ZNF713: variants seen among roughly 807,000 people sequenced by gnomAD.
The protein encoded by ZNF713 is zinc finger protein 713.
A neutral mutation model predicts 28.7 loss-of-function variants in ZNF713; 21 were observed. That is an observed-to-expected ratio of 0.73 (90% confidence interval 0.52 to 1.05). The LOEUF (loss-of-function observed/expected upper bound fraction) is 1.05, where lower values mean the gene tolerates loss of function less well. Ranked by LOEUF, ZNF713 falls within the 50% of genes least tolerant of loss-of-function variation. The pLI is 0.00. For synonymous variants in ZNF713, 167 were observed against 178.0 expected, an observed-to-expected ratio of 0.94 and a Z score of 0.49; for missense variants, 458 against 532.4, an observed-to-expected ratio of 0.86 and a Z score of 1.37.
chr7:55,931,652 CTTCT>C lies in ZNF713; in HGVS notation c.308-7324_308-7321del, dbSNP rs1786213542. 2.0e-5 allele frequency among the ~76,000 whole-genome samples: 3 copies of C among 150,394 alleles called. No individual in the cohort carries two copies. In the South Asian group the frequency reaches 6.3e-4, roughly 32 times the overall value. ...TCTCCCTCCTTCTTTCCCTCTCTCCCTTCTTTCTTACTTCCTTGTTTCCTTCCTT... is the reference window on the plus strand; with the variant it reads ...TCTCCCTCCTTCTTTCCCTCTCTCCCTTCTTACTTCCTTGTTTCCTTCCTT... On this transcript the variant is annotated intron_variant, in intron 6 of 6. Transcript: ENST00000429591.
rs746382417 is a variant in ZNF713 at position 55,939,810 on chromosome 7, TCAGTCAGAGGACAC to T, written c.1137_1150del (p.Phe379LeufsTer6). 2 of 1,614,164 alleles carry T rather than the reference TCAGTCAGAGGACAC, an allele frequency of 1.2e-6. No individual in the cohort carries two copies. Among genetic ancestry groups the T allele is most frequent in the East Asian group, 4.5e-5 (2 of 44,888 alleles). The stretch of plus-strand genomic sequence containing the variant: ...GAATGTGGTTTCTGTGGCAAAGCCT[TCAGTCAGAGGACAC>T]ATCTGAATCAACATGAAAGAACTCA... On this transcript the variant is annotated frameshift_variant, in exon 7 of 7. Transcript: ENST00000429591. LOFTEE classifies it high-confidence loss of function.
intron 2 of ZNF713, among the ~76,000 whole-genome samples, chr7:55,908,054 T>C (rs569993677): frequency 6.6e-6 from 1 of 152,122 alleles, no homozygotes; most frequent in Non-Finnish European, 1.5e-5. Context: ...TTCATTGAGG[T>C]TGTACTAATA....
chr7:55,889,242 C>T (rs2116151206), intron 1 of ZNF713, among the ~76,000 whole-genome samples: 1 of 152,070 alleles, frequency 6.6e-6, no homozygotes, highest in Non-Finnish European at 1.5e-5. Flanking sequence ...GCTGGGATTA[C>T]AGGCACATGC....
intron 1 of ZNF713, among the ~76,000 whole-genome samples, chr7:55,901,599 A>G (rs1378913422): frequency 3.9e-5 from 6 of 152,168 alleles, no homozygotes; most frequent in South Asian, 2.1e-4. Flanking sequence ...TAGAAACACT[A>G]AAAAAAGGAG....
chr7:55,902,099 G>A (rs927024582), intron 1 of ZNF713, among the ~76,000 whole-genome samples: 4 of 152,126 alleles, frequency 2.6e-5, no homozygotes, highest in African/African-American at 9.7e-5. Context: ...GCTGAGGCAG[G>A]AAAATCACTC....
chr7:55,907,052 C>A (rs1785692439), intron 2 of ZNF713, among the ~76,000 whole-genome samples: 1 of 152,046 alleles, frequency 6.6e-6, no homozygotes, highest in African/African-American at 2.4e-5. Flanking sequence ...GCAAGGAAGG[C>A]CTCTCCACTT....
chr7:55,927,896 C>CAAAAAA (rs71533249), intron 6 of ZNF713, among the ~76,000 whole-genome samples: 1,861 of 44,906 alleles, frequency 0.041, 601 homozygotes, highest in African/African-American at 0.1. Flanking sequence ...GACTCTGTCT[C>CAAAAAA]AAAAAAAAAA....
chr7:55,923,721 C>T (rs1417498223), intron 6 of ZNF713, 22 bp downstream of exon 6: 1 of 1,594,846 alleles, frequency 6.3e-7, no homozygotes, highest in Admixed American at 1.7e-5. Flanking sequence ...CTCTTGGGCA[C>T]TGCTACTTAA....
intron 1 of ZNF713, among the ~76,000 whole-genome samples, chr7:55,892,555 C>CGA (rs574054003): frequency 0.035 from 2,616 of 74,412 alleles, 44 homozygotes; most frequent in Non-Finnish European, 0.05. Context: ...AAGCACTGAC[C>CGA]AAAAAAAAAA....
At chr7:55,907,435 C>T (rs1467246330) in intron 2 of ZNF713, among the ~76,000 whole-genome samples, 1 of 152,196 alleles carries the variant, frequency 6.6e-6, no homozygotes, top group Non-Finnish European at 1.5e-5. Flanking sequence ...TTAGTTCGTT[C>T]ATGTTTCTGC....
intron 6 of ZNF713, among the ~76,000 whole-genome samples, chr7:55,927,666 A>T (rs1468529102): frequency 6.6e-6 from 1 of 151,440 alleles, no homozygotes; most frequent in Non-Finnish European, 1.5e-5. Context: ...GGAGGCCGAG[A>T]TGGACGGATC....
At chr7:55,935,878 C>G (rs1288415003) in intron 6 of ZNF713, among the ~76,000 whole-genome samples, 2 of 151,914 alleles carry the variant, frequency 1.3e-5, no homozygotes. Flanking sequence ...TGGCGTGAAC[C>G]TGGGAGGCAG....
chr7:55,890,636 T>C lies in ZNF713; in HGVS notation c.-583+2956T>C, dbSNP rs191246190. The stretch of plus-strand genomic sequence containing the variant: ...ATTAAAACTGCCTCAATTAAATCAT[T>C]ATTACAAGAAAAAATGTATCCCTTA... On this transcript the variant is annotated intron_variant, in intron 1 of 6. Coordinates refer to ENST00000429591, the MANE Select transcript of ZNF713 (RefSeq NM_182633.3). Among the ~76,000 whole-genome samples the C allele has an allele frequency of 9.9e-5, 15 of 152,198 alleles. No individual in the cohort carries two copies. The East Asian group carries it at 2.9e-3, about 29-fold the overall frequency.
chr7:55,917,343 T>C (rs1206785218), intron 4 of ZNF713, among the ~76,000 whole-genome samples: 1 of 151,536 alleles, frequency 6.6e-6, no homozygotes. Flanking sequence ...ATTACAGTGG[T>C]CTCATCTTTC....
chr7:55,889,393 G>A (rs1405077948), intron 1 of ZNF713, among the ~76,000 whole-genome samples: 1 of 152,152 alleles, frequency 6.6e-6, no homozygotes, highest in East Asian at 1.9e-4. Flanking sequence ...GAGCCACTGC[G>A]CCCGGCCTGA....
chr7:55,940,316 G>C lies in ZNF713; in HGVS notation c.*310G>C, dbSNP rs564907693. The C allele has an allele frequency of 3.1e-3, 1,556 of 507,498 alleles. 1 individual carries two copies. Among genetic ancestry groups the C allele is most frequent in the Non-Finnish European group, 3.6e-3 (1,372 of 381,122 alleles). The allele number at this position is 507,498 out of a possible 1,614,324, so 31.4% of individuals were successfully genotyped here. ...TTTTTGTATTTTTAGTAGAGACGGG[G>C]TTTCACCATGTTGGCCAGGCTGGTC... On this transcript the variant is annotated 3_prime_UTR_variant, in exon 7 of 7. Coordinates refer to ENST00000429591, the MANE Select transcript of ZNF713 (RefSeq NM_182633.3).
intron 1 of ZNF713, among the ~76,000 whole-genome samples, chr7:55,897,293 T>TAGGGTGGAGTGCAGTGGCGTGATCATGGC (rs1355425174): frequency 7.3e-5 from 11 of 151,564 alleles, no homozygotes; most frequent in African/African-American, 2.2e-4. Context: ...CTCTTTCACC[T>TAGGGTGGAGTGCAGTGGCGTGATCATGGC]AGGGTGGAGT....
chr7:55,896,071 C>T (rs1413655979), intron 1 of ZNF713, among the ~76,000 whole-genome samples: 1 of 152,060 alleles, frequency 6.6e-6, no homozygotes, highest in South Asian at 2.1e-4. Context: ...GGACATCTAC[C>T]TGGGGGTGTC....
chr7:55,935,972 G>T (rs1456426246), intron 6 of ZNF713, among the ~76,000 whole-genome samples: 2 of 143,614 alleles, frequency 1.4e-5, no homozygotes, highest in South Asian at 2.2e-4. Context: ...AAAAGAGAAA[G>T]ATCTGAGAGA....
Sources: gnomAD v4.1 joint callset for allele counts (sites outside exome capture counted in the v4.1 genomes callset) on GRCh38, gnomAD v4.1.1 for gene constraint, MANE v1.5 for transcripts, NCBI Gene and HGNC (gene_info 2026-07-23, HGNC 2026-07-21) for gene names.